The following KCTD16 variants were observed in gnomAD, a reference collection of about 807,000 sequenced individuals.
The protein encoded by KCTD16 is potassium channel tetramerization domain containing 16.
Under a neutral mutation model 33.2 loss-of-function variants are expected in KCTD16, and 13 were observed. The ratio of observed to expected loss-of-function variants is 0.39; its 90% CI spans 0.25 to 0.62. KCTD16 has a LOEUF of 0.62. Among genes scored for constraint, KCTD16 ranks in the 20% least tolerant of loss-of-function variants. KCTD16 has a pLI of 0.50. For missense variants in KCTD16, 441 were observed against 525.1 expected, an observed-to-expected ratio of 0.84 and a Z score of 1.57; for synonymous variants, 197 against 195.3, an observed-to-expected ratio of 1.01 and a Z score of -0.07.
chr5:144,283,963 G>T (rs191383144), intron 3 of KCTD16, among the ~76,000 whole-genome samples: 23 of 152,090 alleles, frequency 1.5e-4, no homozygotes, highest in Admixed American at 3.3e-4. Flanking sequence ...CTCAAAAATG[G>T]CTGGATCCAA....
intron 3 of KCTD16, among the ~76,000 whole-genome samples, chr5:144,277,910 A>C (rs1032626617): frequency 1.3e-5 from 2 of 152,232 alleles, no homozygotes; most frequent in African/African-American, 2.4e-5. Flanking sequence ...ATTTAAAAAA[A>C]TATATATTCA....
chr5:144,298,033 G>A (rs1047422554), intron 3 of KCTD16, among the ~76,000 whole-genome samples: 4 of 152,172 alleles, frequency 2.6e-5, no homozygotes, highest in Non-Finnish European at 5.9e-5. Flanking sequence ...CCAGCAAGGC[G>A]CCCATTGCCG....
chr5:144,304,139 G>T (rs968203651), intron 3 of KCTD16, among the ~76,000 whole-genome samples: 8 of 152,098 alleles, frequency 5.3e-5, no homozygotes, highest in African/African-American at 1.9e-4. Context: ...AAAGAAAAAA[G>T]AAACAAGTAA....
chr5:144,483,975 G>A lies in KCTD16; in HGVS notation c.*9861G>A, dbSNP rs536082950. On this transcript the variant is annotated 3_prime_UTR_variant, in exon 4 of 4. Transcript: ENST00000512467. The stretch of plus-strand genomic sequence containing the variant: ...TAGGTTTGAGGACATTTGAAGGAGC[G>A]ATTGTTTTTTCCCCAAAATTTTGGA... 1 of 152,018 alleles carries A rather than the reference G, an allele frequency of 6.6e-6. No homozygotes were observed. Among genetic ancestry groups the A allele is most frequent in the African/African-American group, 2.4e-5 (1 of 41,522 alleles). The allele number at this position is 152,018 out of a possible 1,614,324, so 9.4% of individuals were successfully genotyped here. A position where few individuals can be genotyped will look rare whatever the true frequency, so the allele number is the denominator to read the frequency against.
intron 3 of KCTD16, among the ~76,000 whole-genome samples, chr5:144,232,894 C>T (rs180952287): frequency 2.9e-4 from 44 of 152,188 alleles, no homozygotes; most frequent in Non-Finnish European, 5.4e-4. Flanking sequence ...TCTTGAGTCA[C>T]ACCTACCATA....
chr5:144,316,921 G>C (rs537952907), intron 3 of KCTD16, among the ~76,000 whole-genome samples: 150 of 143,986 alleles, frequency 1.0e-3, no homozygotes, highest in South Asian at 4.2e-3. Context: ...TGCACCTCAT[G>C]AGTTCAAGTG....
chr5:144,330,946 G>A (rs1257873100), intron 3 of KCTD16, among the ~76,000 whole-genome samples: 7 of 152,168 alleles, frequency 4.6e-5, no homozygotes, highest in Non-Finnish European at 4.4e-5. Context: ...TAATAACAAC[G>A]GAATAAATGA....
intron 3 of KCTD16, among the ~76,000 whole-genome samples, chr5:144,412,420 C>G (rs1580942269): frequency 6.6e-6 from 1 of 152,010 alleles, no homozygotes; most frequent in African/African-American, 2.4e-5. Context: ...ATAAGCTAGG[C>G]TGAGAATGGC....
intron 3 of KCTD16, 78 bp downstream of exon 3, chr5:144,207,624 C>T (rs914397447): frequency 1.2e-5 from 12 of 1,020,230 alleles, no homozygotes; most frequent in African/African-American, 3.2e-5. Flanking sequence ...GTGTTCTCTC[C>T]ATACCTAAGG....
At chr5:144,266,858 A>C (rs1216964575) in intron 3 of KCTD16, among the ~76,000 whole-genome samples, 1 of 151,922 alleles carries the variant, frequency 6.6e-6, no homozygotes, top group Non-Finnish European at 1.5e-5. Flanking sequence ...CCTTTATTTT[A>C]CCTCTTTGCT....
chr5:144,253,644 A>C (rs1196068460), intron 3 of KCTD16, among the ~76,000 whole-genome samples: 2 of 152,286 alleles, frequency 1.3e-5, no homozygotes, highest in Non-Finnish European at 1.5e-5. Context: ...AAAGAAAAAG[A>C]ATACCGTTTT....
intron 3 of KCTD16, among the ~76,000 whole-genome samples, chr5:144,390,484 C>T (rs1325063168): frequency 1.3e-5 from 2 of 151,708 alleles, no homozygotes; most frequent in African/African-American, 2.4e-5. Context: ...TTAAACTGAG[C>T]TGTTCAGGAG....
intron 3 of KCTD16, among the ~76,000 whole-genome samples, chr5:144,357,696 T>C (rs1459583645): frequency 1.3e-5 from 2 of 152,162 alleles, no homozygotes; most frequent in African/African-American, 2.4e-5. Flanking sequence ...CCTCAAAGAA[T>C]AGGCAGGAGT....
intron 3 of KCTD16, among the ~76,000 whole-genome samples, chr5:144,465,793 T>G (rs948279414): frequency 1.9e-4 from 28 of 150,852 alleles, no homozygotes; most frequent in Non-Finnish European, 3.1e-4. Context: ...TTTGTTTTTT[T>G]TTTTTTTTGC....
At chr5:144,257,837 A>G (rs10055289) in intron 3 of KCTD16, among the ~76,000 whole-genome samples, 52,800 of 151,840 alleles carry the variant, frequency 0.35, 9,819 homozygotes, top group African/African-American at 0.48. Context: ...CATAATGAGT[A>G]GTGCAGTGTT....
intron 3 of KCTD16, among the ~76,000 whole-genome samples, chr5:144,325,815 T>G (rs563978308): frequency 6.6e-6 from 1 of 152,140 alleles, no homozygotes; most frequent in African/African-American, 2.4e-5. Context: ...CCCTTGATTG[T>G]GAACTTAGGA....
In KCTD16 at chr5:144,479,349, T is replaced by A. The variant is rs1160639374; in HGVS notation, c.*5235T>A. 3.0e-5 allele frequency: 4 copies of A among 135,100 alleles called. No homozygotes were observed. The East Asian group carries it at 8.4e-4, about 28-fold the overall frequency. The allele number at this position is 135,100 out of a possible 1,614,324, so 8.4% of individuals were successfully genotyped here. A position where few individuals can be genotyped will look rare whatever the true frequency, so the allele number is the denominator to read the frequency against. On this transcript the variant is annotated 3_prime_UTR_variant, in exon 4 of 4. Coordinates refer to ENST00000512467, the MANE Select transcript of KCTD16 (RefSeq NM_020768.4). Reference sequence around the variant, plus strand: ...AACTAAAAACTTGAAGCCAAACTGATGTGTAAGAATAAATGCAAAAAAAAA... The same window carrying A: ...AACTAAAAACTTGAAGCCAAACTGAAGTGTAAGAATAAATGCAAAAAAAAA...
At position 144,448,929 on chromosome 5, in the gene KCTD16, AATG is replaced by A. The variant is rs1276027847; in HGVS notation, c.833-24729_833-24727del. 4.4e-4 allele frequency among the ~76,000 whole-genome samples: 67 copies of A among 152,176 alleles called. No homozygotes were observed. The East Asian group carries it at 0.012, about 27-fold the overall frequency. On this transcript the variant is annotated intron_variant, in intron 3 of 3. Transcript: ENST00000512467. The stretch of plus-strand genomic sequence containing the variant: ...AAGGAACCACCTTGAAATTATTAAA[AATG>A]ACATCATAGATTCATCTTCACAGTT...
chr5:144,419,985 T>G (rs991249188), intron 3 of KCTD16, among the ~76,000 whole-genome samples: 2 of 152,134 alleles, frequency 1.3e-5, no homozygotes, highest in Admixed American at 6.6e-5. Context: ...GGCAAATAAC[T>G]TTTTGTACAA....
Sources: gnomAD v4.1 joint callset for allele counts (sites outside exome capture counted in the v4.1 genomes callset) on GRCh38, gnomAD v4.1.1 for gene constraint, MANE v1.5 for transcripts, NCBI Gene and HGNC (gene_info 2026-07-23, HGNC 2026-07-21) for gene names.